Variants in CELF5 observed in about 807,000 individuals in gnomAD.
The protein encoded by CELF5 is CUG-BP and ETR-3 like factor 5.
In CELF5, 6 loss-of-function variants were observed where a neutral mutation model predicts 54.9. The ratio of observed to expected loss-of-function variants is 0.11; its 90% CI spans 0.06 to 0.22. The LOEUF (loss-of-function observed/expected upper bound fraction) is 0.22, where lower values mean the gene tolerates loss of function less well. CELF5 is among the 10% of genes least tolerant of loss of function. The pLI, the probability that CELF5 is intolerant of heterozygous loss-of-function variation, is 1.00. For synonymous variants in CELF5, 271 were observed against 290.9 expected, an observed-to-expected ratio of 0.93 and a Z score of 0.70; for missense variants, 401 against 678.6, an observed-to-expected ratio of 0.59 and a Z score of 4.54.
At position 3,235,690 on chromosome 19, in the gene CELF5, G is replaced by GTGGA. The variant is rs1167320138; in HGVS notation, c.259+10715_259+10718dup. Reference sequence around the variant, plus strand: ...GATGGATGGATGGATGTGTGGATGGGTGGATGGATGGATGGATGGATGGAT... The same window carrying GTGGA: ...GATGGATGGATGGATGTGTGGATGGGTGGATGGATGGATGGATGGATGGATGGAT... On this transcript the variant is annotated intron_variant, in intron 1 of 12. Coordinates refer to ENST00000292672, the MANE Select transcript of CELF5 (RefSeq NM_021938.4). Among the ~76,000 whole-genome samples the GTGGA allele has an allele frequency of 1.2e-3, 109 of 90,304 alleles. 1 individual carries two copies. The highest frequency in any genetic ancestry group is 4.2e-3 in the African/African-American group (94 of 22,272). 59.2% of individuals were successfully genotyped at this position (90,304 alleles called of 152,430 possible). A position where few individuals can be genotyped will look rare whatever the true frequency, so the allele number is the denominator to read the frequency against.
intron 2 of CELF5, among the ~76,000 whole-genome samples, chr19:3,260,314 G>A (rs1472316876): frequency 4.6e-5 from 7 of 151,772 alleles, no homozygotes; most frequent in East Asian, 3.9e-4. Context: ...ATGGGGTTTC[G>A]CCATGTTGGC....
chr19:3,226,280 TGAA>T, intron 1 of CELF5, among the ~76,000 whole-genome samples: 1 of 149,680 alleles, frequency 6.7e-6, no homozygotes, highest in African/African-American at 2.5e-5. Flanking sequence ...AATGAATGAA[TGAA>T]TGAATGAATG....
intron 10 of CELF5, 136 bp downstream of exon 10, chr19:3,286,161 G>A: frequency 1.5e-6 from 1 of 673,636 alleles, no homozygotes; most frequent in South Asian, 2.3e-5. Context: ...ACAGGCCAGA[G>A]TTGAGTCCCG....
intron 1 of CELF5, among the ~76,000 whole-genome samples, chr19:3,242,364 T>C (rs2079503002): frequency 6.6e-6 from 1 of 151,484 alleles, no homozygotes; most frequent in Non-Finnish European, 1.5e-5. Context: ...TGAGACCCCG[T>C]CTCTACTAAA....
chr19:3,256,106 G>T (rs10419626), intron 2 of CELF5, among the ~76,000 whole-genome samples: 27,986 of 149,576 alleles, frequency 0.19, 3,043 homozygotes, highest in East Asian at 0.53. Context: ...ATTTTTGGAG[G>T]TGTTAAGCCT....
chr19:3,242,984 A>ATAG (rs1287600923), intron 1 of CELF5, among the ~76,000 whole-genome samples: 1 of 151,906 alleles, frequency 6.6e-6, no homozygotes, highest in African/African-American at 2.4e-5. Flanking sequence ...AATAATAATA[A>ATAG]TAATAAAGCC....
chr19:3,275,266 G>A lies in CELF5; in HGVS notation c.395-590G>A, dbSNP rs1410834475. On this transcript the variant is annotated intron_variant, in intron 3 of 12. Transcript: ENST00000292672. The surrounding 1 kb of genome is among the most constrained non-coding windows in gnomAD (Gnocchi z 6.7). Reference sequence around the variant, plus strand: ...CCAGCCCAGCCCCACCCAGCAGGGGGTCCAGCCTGCCAAGGCCCCTGGTCC... The same window carrying A: ...CCAGCCCAGCCCCACCCAGCAGGGGATCCAGCCTGCCAAGGCCCCTGGTCC... Among the ~76,000 whole-genome samples the A allele has an allele frequency of 6.6e-6, 1 of 152,194 alleles. No individual in the cohort carries two copies. The highest frequency in any genetic ancestry group is 2.4e-5 in the African/African-American group (1 of 41,450).
chr19:3,229,913 G>A (rs548953191), intron 1 of CELF5, among the ~76,000 whole-genome samples: 1 of 152,196 alleles, frequency 6.6e-6, no homozygotes, highest in African/African-American at 2.4e-5. Context: ...GGGAGCTCAG[G>A]GTCCCCTTCT....
chr19:3,274,031 G>C (rs2080008415), intron 3 of CELF5, 108 bp downstream of exon 3: 4 of 1,158,738 alleles, frequency 3.5e-6, no homozygotes, highest in Non-Finnish European at 3.8e-6. Context: ...GCCGAGGCCT[G>C]TGGATCTGGA....
chr19:3,251,097 G>C, intron 2 of CELF5, 30 bp downstream of exon 2: 1 of 1,570,642 alleles, frequency 6.4e-7, no homozygotes, highest in Non-Finnish European at 8.8e-7. Flanking sequence ...TGGGGAGGAG[G>C]GGACAGGGGA....
chr19:3,242,790 A>G (rs2079509317), intron 1 of CELF5, among the ~76,000 whole-genome samples: 1 of 151,946 alleles, frequency 6.6e-6, no homozygotes, highest in Non-Finnish European at 1.5e-5. Flanking sequence ...TGGGCAACAG[A>G]GCAAGACTCT....
intron 1 of CELF5, among the ~76,000 whole-genome samples, chr19:3,229,224 C>G (rs1353268385): frequency 1.3e-5 from 2 of 151,850 alleles, no homozygotes; most frequent in African/African-American, 4.8e-5. Flanking sequence ...AGATGTTAAT[C>G]CGTCCACCTG....
chr19:3,285,472 T>C (rs376448691), intron 9 of CELF5, among the ~76,000 whole-genome samples: 20 of 136,462 alleles, frequency 1.5e-4, no homozygotes, highest in African/African-American at 5.6e-4. Context: ...CTCATGGTCC[T>C]GCCCACATAG....
intron 8 of CELF5, among the ~76,000 whole-genome samples, chr19:3,283,884 G>A (rs988220727): frequency 1.3e-5 from 2 of 151,908 alleles, no homozygotes; most frequent in Non-Finnish European, 2.9e-5. Context: ...GTGCAGTGGC[G>A]TGATCATAGC....
chr19:3,244,189 G>A, intron 1 of CELF5, among the ~76,000 whole-genome samples: 1 of 152,068 alleles, frequency 6.6e-6, no homozygotes, highest in East Asian at 1.9e-4. Context: ...CCATAAGGAA[G>A]ATTTTCAGCA....
At chr19:3,285,665 C>T (rs2080231101) in intron 9 of CELF5, among the ~76,000 whole-genome samples, 1 of 73,108 alleles carries the variant, frequency 1.4e-5, no homozygotes, top group African/African-American at 4.4e-5. Context: ...TGGGGTCCGC[C>T]CCCACCCCCC....
chr19:3,264,137 A>G (rs77346674), intron 2 of CELF5, among the ~76,000 whole-genome samples: 9,919 of 151,692 alleles, frequency 0.065, 558 homozygotes, highest in East Asian at 0.24. Flanking sequence ...TACTGGATAC[A>G]GTGGTGTGCC....
chr19:3,275,809 C>G lies in CELF5; in HGVS notation c.395-47C>G. The G allele has an allele frequency of 6.3e-7, 1 of 1,574,830 alleles. No homozygotes were observed. The highest frequency in any genetic ancestry group is 8.7e-7 in the Non-Finnish European group (1 of 1,154,900). On this transcript the variant is annotated intron_variant, in intron 3 of 12. Transcript: ENST00000292672. The surrounding 1 kb of genome is among the most constrained non-coding windows in gnomAD (Gnocchi z 6.7). ...GAGGGAGGGAGGAATCCCGGAGGCC[C>G]TCCCGGAGGCCGGGGACTCGGCTGA...
chr19:3,274,437 CAT>C (rs751844299), intron 3 of CELF5, among the ~76,000 whole-genome samples: 31 of 152,330 alleles, frequency 2.0e-4, no homozygotes, highest in Non-Finnish European at 2.9e-4. Context: ...CATAAGCGCA[CAT>C]GTGTGGTATG....
Sources: gnomAD v4.1 joint callset for allele counts (sites outside exome capture counted in the v4.1 genomes callset) on GRCh38, gnomAD v4.1.1 for gene constraint, Gnocchi (gnomAD v3.1) non-coding constraint, MANE v1.5 for transcripts, NCBI Gene and HGNC (gene_info 2026-07-23, HGNC 2026-07-21) for gene names.